The following PCDHA7 variants were observed in gnomAD, a reference collection of about 807,000 sequenced individuals.
PCDHA7 encodes protocadherin alpha 7, also known as protocadherin alpha-7.
Under a neutral mutation model 57.2 loss-of-function variants are expected in PCDHA7, and 37 were observed. The observed-to-expected ratio is 0.65, with a 90% CI of 0.50 to 0.85. The LOEUF is 0.85. Among genes scored for constraint, PCDHA7 ranks in the 40% least tolerant of loss-of-function variants. The pLI is 0.00. For missense variants in PCDHA7, 1,188 were observed against 1,241.8 expected (o/e 0.96, Z 0.65); for synonymous variants, 553 against 558.8 (o/e 0.99, Z 0.15).
At chr5:140,995,698 G>T (rs963042409) in intron 3 of PCDHA7, among the ~76,000 whole-genome samples, 1 of 152,104 alleles carries the variant, frequency 6.6e-6, no homozygotes, top group African/African-American at 2.4e-5. Context: ...TTAAATAAAG[G>T]GCTGGGCTTG....
rs781784518 is a variant in PCDHA7, at chr5:140,857,448, A to G, written c.2355+20710A>G. The G allele has an allele frequency of 6.3e-7, 1 of 1,597,896 alleles. No homozygotes were observed. Among genetic ancestry groups the G allele is most frequent in the Non-Finnish European group, 8.6e-7 (1 of 1,167,724 alleles). ...TACACGGTGTTCGTGAAGGAGAACA[A>G]CCCGCCAGGCTGCCACATCTTCACG... On this transcript the variant is annotated intron_variant, in intron 1 of 3. Coordinates refer to ENST00000525929, the MANE Select transcript of PCDHA7 (RefSeq NM_018910.3).
At chr5:140,884,469 C>A in intron 1 of PCDHA7, 1 of 1,613,766 alleles carries the variant, frequency 6.2e-7, no homozygotes, top group Non-Finnish European at 8.5e-7. Flanking sequence ...GCGTGCGCGC[C>A]GGGCAAGCCC....
chr5:140,953,713 A>T (rs1372806666), intron 1 of PCDHA7, among the ~76,000 whole-genome samples: 1 of 152,218 alleles, frequency 6.6e-6, no homozygotes, highest in Admixed American at 6.5e-5. Context: ...TGAGCTTCAG[A>T]CATTGTGTTT....
In PCDHA7 at chr5:141,006,011, G is replaced by A. The variant is rs146101776; in HGVS notation, c.2504-3616G>A. Among the ~76,000 whole-genome samples the A allele has an allele frequency of 2.7e-3, 408 of 151,544 alleles. 2 individuals carry two copies. Among genetic ancestry groups the A allele is most frequent in the African/African-American group, 8.8e-3 (365 of 41,422 alleles). Reference sequence around the variant, plus strand: ...GAGGATCTGAAAGAAGGCCTGTATGGTTGGAGTATAATAGTAAGAGGGAGA... The same window carrying A: ...GAGGATCTGAAAGAAGGCCTGTATGATTGGAGTATAATAGTAAGAGGGAGA... On this transcript the variant is annotated intron_variant, in intron 3 of 3. Coordinates refer to ENST00000525929, the MANE Select transcript of PCDHA7 (RefSeq NM_018910.3).
Position 140,961,691 on chromosome 5 carries a change from T to A in PCDHA7, c.2356-17258T>A, listed in dbSNP as rs963909259. On this transcript the variant is annotated intron_variant, in intron 1 of 3. Transcript: ENST00000525929. Reference sequence around the variant, plus strand: ...GTTTTTAATTAAGCCGGAGTAGTCCTTAGTATGAATGCCTTCATTTCTAAG... The same window carrying A: ...GTTTTTAATTAAGCCGGAGTAGTCCATAGTATGAATGCCTTCATTTCTAAG... Among the ~76,000 whole-genome samples the A allele has an allele frequency of 2.0e-5, 3 of 152,340 alleles. No individual in the cohort carries two copies. In the East Asian group the frequency reaches 5.8e-4, roughly 29 times the overall value.
intron 1 of PCDHA7, among the ~76,000 whole-genome samples, chr5:140,872,146 T>C (rs1554166047): frequency 6.6e-6 from 1 of 152,134 alleles, no homozygotes; most frequent in African/African-American, 2.4e-5. Context: ...ACTCCATTAG[T>C]ATGACATGAT....
At chr5:141,009,019 C>A (rs1160022658) in intron 3 of PCDHA7, among the ~76,000 whole-genome samples, 1 of 152,232 alleles carries the variant, frequency 6.6e-6, no homozygotes, top group Non-Finnish European at 1.5e-5. Context: ...CCTTTAGGCT[C>A]TGTATTTCCC....
chr5:140,903,431 A>G (rs1431018780), intron 1 of PCDHA7, among the ~76,000 whole-genome samples: 3 of 152,242 alleles, frequency 2.0e-5, no homozygotes, highest in South Asian at 2.1e-4. Context: ...CACAATATGT[A>G]TCAGTGGAAT....
chr5:140,854,688 G>A (rs1468709591), intron 1 of PCDHA7: 2 of 149,770 alleles, frequency 1.3e-5, no homozygotes, highest in Non-Finnish European at 3.0e-5. Context: ...TATGTCTGTT[G>A]TTAAGTTTTC....
At position 140,870,607 on chromosome 5, in the gene PCDHA7, G is replaced by T. The variant is rs782060261; in HGVS notation, c.2355+33869G>T. 15 of 1,613,098 alleles carry T rather than the reference G, an allele frequency of 9.3e-6. No individual in the cohort carries two copies. The Middle Eastern group carries it at 5.1e-4, about 55-fold the overall frequency. ...GGTGGAGCGGCGGTTGGGCGACCGCGCGCTGTCGAGCTACGTGTCGGTGCA... is the reference window on the plus strand; with the variant it reads ...GGTGGAGCGGCGGTTGGGCGACCGCTCGCTGTCGAGCTACGTGTCGGTGCA... On this transcript the variant is annotated intron_variant, in intron 1 of 3. Transcript: ENST00000525929.
rs151299460 is a variant in PCDHA7, at chr5:140,849,914, C to T, written c.2355+13176C>T. On this transcript the variant is annotated intron_variant, in intron 1 of 3. Coordinates refer to ENST00000525929, the MANE Select transcript of PCDHA7 (RefSeq NM_018910.3). ...AGGAGAACAACCCGCCGGGCTGCCA[C>T]ATCTTCACGGTGTCTGCGCGGGACG... is the stretch of plus-strand genomic sequence containing the variant. 4.8e-4 allele frequency: 771 copies of T among 1,598,354 alleles called. 44 individuals are homozygous for T. The African/African-American group carries it at 9.1e-3, about 19-fold the overall frequency.
At position 140,978,952 on chromosome 5, in the gene PCDHA7, C is replaced by T. The variant is rs374951627; in HGVS notation, c.2359C>T (p.Arg787Ter). Residue 787 changes from arginine (R) to a stop codon, truncating the protein, a stop_gained, in exon 2 of 4, where the codon CGA (arginine) becomes TGA (stop). Coordinates refer to ENST00000525929, the MANE Select transcript of PCDHA7 (RefSeq NM_018910.3). LOFTEE classifies it high-confidence loss of function. ...PQGPSSTDNP[R>*]QPNPDWRYSA... ...AACTCTCTTTGTGATTTTGCAGCCA[C>T]GACAGCCCAACCCTGACTGGCGTTA... is the stretch of plus-strand genomic sequence containing the variant. 5.0e-6 allele frequency: 8 copies of T among 1,614,018 alleles called. No individual in the cohort carries two copies. The highest frequency in any genetic ancestry group is 2.2e-5 in the South Asian group (2 of 91,070).
intron 1 of PCDHA7, among the ~76,000 whole-genome samples, chr5:140,846,674 T>TA (rs1434317760): frequency 1.3e-5 from 2 of 149,408 alleles, no homozygotes; most frequent in East Asian, 3.9e-4. Context: ...GCGCCCAGCC[T>TA]AAAATGCTTT....
At chr5:140,869,849 T>C in intron 1 of PCDHA7, 3 of 1,611,006 alleles carry the variant, frequency 1.9e-6, no homozygotes, top group African/African-American at 1.3e-5. Context: ...GAATATAAGG[T>C]GAGCCTTATG....
chr5:140,995,286 C>T (rs571122259), intron 3 of PCDHA7, among the ~76,000 whole-genome samples: 18 of 152,182 alleles, frequency 1.2e-4, no homozygotes, highest in African/African-American at 3.4e-4. Context: ...CCAAAACAGC[C>T]AGTCGGATAC....
intron 1 of PCDHA7, chr5:140,875,939 G>A (rs2055971750): frequency 6.2e-7 from 1 of 1,614,158 alleles, no homozygotes; most frequent in Non-Finnish European, 8.5e-7. Flanking sequence ...CCTCTAGAGG[G>A]CGCTTCTGAT....
intron 1 of PCDHA7, among the ~76,000 whole-genome samples, chr5:140,941,214 C>CCTTTCTTTCTTCCTTT (rs2092876516): frequency 8.2e-6 from 1 of 122,414 alleles, no homozygotes; most frequent in Non-Finnish European, 1.7e-5. Context: ...TTTCTTTCTT[C>CCTTTCTTTCTTCCTTT]CTTTCTTTCT....
chr5:140,953,295 C>T (rs74485628), intron 1 of PCDHA7, among the ~76,000 whole-genome samples: 3,568 of 152,144 alleles, frequency 0.023, 49 homozygotes, highest in Middle Eastern at 0.034. Flanking sequence ...GATTCAGGGA[C>T]GGCAGAGATG....
chr5:141,005,499 C>T (rs1399657712), intron 3 of PCDHA7, among the ~76,000 whole-genome samples: 1 of 151,380 alleles, frequency 6.6e-6, no homozygotes, highest in Non-Finnish European at 1.5e-5. Context: ...GTCAGGAGAT[C>T]GAGACCATCC....
Sources: gnomAD v4.1 joint callset for allele counts (sites outside exome capture counted in the v4.1 genomes callset) on GRCh38, gnomAD v4.1.1 for gene constraint, MANE v1.5 for transcripts, NCBI Gene and HGNC (gene_info 2026-07-23, HGNC 2026-07-21) for gene names.